The following SLC41A2 variants were observed in gnomAD, a reference collection of about 807,000 sequenced individuals.
SLC41A2 encodes SLC41A1-like 1.
SLC41A2 carries 32 observed loss-of-function variants against 58.3 expected under a neutral mutation model. The ratio of observed to expected loss-of-function variants is 0.55; its 90% confidence interval spans 0.41 to 0.74. The LOEUF (loss-of-function observed/expected upper bound fraction) is 0.74. Ranked by LOEUF, SLC41A2 falls within the 30% of genes least tolerant of loss-of-function variation. SLC41A2 has a pLI of 0.00. For synonymous variants in SLC41A2, 190 were observed against 235.0 expected (o/e 0.81, Z 1.75); for missense variants, 514 against 680.6 (o/e 0.76, Z 2.72).
At chr12:104,927,850 T>C in intron 2 of SLC41A2, 123 bp downstream of exon 2, 1 of 931,620 alleles carries the variant, frequency 1.1e-6, no homozygotes, top group Non-Finnish European at 1.5e-6. Flanking sequence ...CATCTGTTCA[T>C]TTTACCAAGG....
intron 1 of SLC41A2, among the ~76,000 whole-genome samples, chr12:104,943,078 T>A (rs1467697051): frequency 6.6e-6 from 1 of 152,152 alleles, no homozygotes; most frequent in Non-Finnish European, 1.5e-5. Context: ...CTTGACTTTG[T>A]ATAATTAAAC....
At chr12:104,927,619 C>T (rs928841569) in intron 2 of SLC41A2, among the ~76,000 whole-genome samples, 2 of 151,908 alleles carry the variant, frequency 1.3e-5, no homozygotes, top group African/African-American at 4.8e-5. Context: ...ATTTAATACC[C>T]TCTAATGTTT....
intron 3 of SLC41A2, among the ~76,000 whole-genome samples, chr12:104,898,052 T>C (rs1213354770): frequency 2.0e-5 from 3 of 152,180 alleles, no homozygotes; most frequent in African/African-American, 7.2e-5. Context: ...TAAAATATAA[T>C]AGGGCATGAT....
chr12:104,839,595 C>T (rs2042335269), intron 10 of SLC41A2, among the ~76,000 whole-genome samples: 1 of 151,952 alleles, frequency 6.6e-6, no homozygotes, highest in Admixed American at 6.6e-5. Flanking sequence ...GCTCTGCCTC[C>T]CAGGTTCAAG....
intron 1 of SLC41A2, among the ~76,000 whole-genome samples, chr12:104,956,332 A>G (rs995468022): frequency 6.6e-6 from 1 of 152,180 alleles, no homozygotes; most frequent in African/African-American, 2.4e-5. Context: ...CAGTATCCAA[A>G]CCTATTAACA....
intron 10 of SLC41A2, among the ~76,000 whole-genome samples, chr12:104,812,978 A>G (rs1850630273): frequency 1.3e-5 from 2 of 152,280 alleles, no homozygotes; most frequent in South Asian, 4.1e-4. Context: ...CAGGAGTTTG[A>G]GACCAGCCTG....
chr12:104,907,343 C>T (rs11112233), intron 3 of SLC41A2, among the ~76,000 whole-genome samples: 2 of 151,942 alleles, frequency 1.3e-5, no homozygotes, highest in East Asian at 3.9e-4. Context: ...TCAATAATTA[C>T]AATGGCTACA....
At chr12:104,824,250 C>A (rs2041755779) in intron 10 of SLC41A2, among the ~76,000 whole-genome samples, 1 of 151,988 alleles carries the variant, frequency 6.6e-6, no homozygotes, top group Admixed American at 6.6e-5. Flanking sequence ...CCTATAAACC[C>A]CCCCGAGACC....
intron 8 of SLC41A2, among the ~76,000 whole-genome samples, chr12:104,849,557 G>A (rs981593705): frequency 1.3e-5 from 2 of 152,224 alleles, no homozygotes; most frequent in Non-Finnish European, 2.9e-5. Context: ...GCCAAGTGCA[G>A]TGGCTCACAC....
chr12:104,923,129 G>T (rs1049658518), intron 2 of SLC41A2, among the ~76,000 whole-genome samples: 2 of 149,682 alleles, frequency 1.3e-5, no homozygotes, highest in Non-Finnish European at 3.0e-5. Context: ...TTGGGAGGCC[G>T]AGGCGTGTGG....
At position 104,940,523 on chromosome 12, in the gene SLC41A2, A is replaced by T. The variant is rs540032701; in HGVS notation, c.-167-11829T>A. On this transcript the variant is annotated intron_variant, in intron 1 of 10. Coordinates refer to ENST00000258538, the MANE Select transcript of SLC41A2 (RefSeq NM_001352171.3). ...AAAAAACAAAAAAATAAAAAAATAAAATATAAGCTAAAAAAAAAAAAGGCT... is the reference window on the plus strand; with the variant it reads ...AAAAAACAAAAAAATAAAAAAATAATATATAAGCTAAAAAAAAAAAAGGCT... 5.7e-4 allele frequency among the ~76,000 whole-genome samples: 50 copies of T among 87,686 alleles called. No homozygotes were observed. In the South Asian group the frequency reaches 6.1e-3, roughly 11 times the overall value. 57.5% of individuals were successfully genotyped at this position (87,686 alleles called of 152,430 possible). A position where few individuals can be genotyped will look rare whatever the true frequency, so the allele number is the denominator to read the frequency against.
chr12:104,848,891 G>T (rs963066029), intron 8 of SLC41A2, among the ~76,000 whole-genome samples: 1 of 145,328 alleles, frequency 6.9e-6, no homozygotes, highest in Non-Finnish European at 1.5e-5. Flanking sequence ...TCTTTAACTT[G>T]ATAACCACAC....
At chr12:104,829,682 T>C (rs1231964042) in intron 10 of SLC41A2, among the ~76,000 whole-genome samples, 1 of 152,008 alleles carries the variant, frequency 6.6e-6, no homozygotes, top group Non-Finnish European at 1.5e-5. Context: ...CATCTCTGTA[T>C]ATTGAATAGA....
intron 1 of SLC41A2, chr12:104,931,612 A>T (rs2047055498): frequency 1.3e-5 from 2 of 152,230 alleles, no homozygotes. Flanking sequence ...AGTTGATTAA[A>T]CAAAGAATAA....
chr12:104,830,957 T>C (rs1203677770), intron 10 of SLC41A2, among the ~76,000 whole-genome samples: 3 of 152,246 alleles, frequency 2.0e-5, no homozygotes, highest in Non-Finnish European at 4.4e-5. Flanking sequence ...CTTCTTTTGA[T>C]TAACCTTATG....
At chr12:104,870,838 G>A (rs1565858963) in intron 6 of SLC41A2, among the ~76,000 whole-genome samples, 1 of 152,086 alleles carries the variant, frequency 6.6e-6, no homozygotes, top group Non-Finnish European at 1.5e-5. Context: ...AAACAACAAA[G>A]CAATGGGCAC....
chr12:104,879,357 T>C (rs557199091), intron 6 of SLC41A2, among the ~76,000 whole-genome samples: 73 of 152,380 alleles, frequency 4.8e-4, no homozygotes, highest in African/African-American at 1.7e-3. Context: ...CCATTGCTTT[T>C]GGTGTTTTAG....
chr12:104,951,356 C>T (rs139852338), intron 1 of SLC41A2: 87 of 152,260 alleles, frequency 5.7e-4, no homozygotes, highest in Middle Eastern at 6.8e-3. Flanking sequence ...TAAAAGCCAT[C>T]TCATATTAGC....
intron 8 of SLC41A2, among the ~76,000 whole-genome samples, chr12:104,856,396 A>G (rs1409387023): frequency 6.6e-6 from 1 of 152,198 alleles, no homozygotes; most frequent in African/African-American, 2.4e-5. Flanking sequence ...GTCACTGGAG[A>G]GCTTAGTAAA....
Sources: allele counts gnomAD v4.1 joint callset (sites outside exome capture counted in the v4.1 genomes callset), GRCh38; gene constraint gnomAD v4.1.1; transcripts MANE v1.5; gene names NCBI Gene and HGNC (gene_info 2026-07-23, HGNC 2026-07-21).